Variants in PDS5A observed in about 807,000 individuals in gnomAD.
The protein encoded by PDS5A is sister chromatid cohesion protein PDS5 homolog A.
In PDS5A, 42 loss-of-function variants were observed where a neutral mutation model predicts 167.1. The observed-to-expected ratio is 0.25, with a 90% CI of 0.20 to 0.33. The LOEUF is 0.33. Among genes scored for constraint, PDS5A ranks in the 10% least tolerant of loss-of-function variants. The pLI, the probability that PDS5A is intolerant of heterozygous loss-of-function variation, is 1.00. For missense variants in PDS5A, 1,033 were observed against 1,605.9 expected (o/e 0.64, Z 6.10); for synonymous variants, 553 against 554.6 (o/e 1.00, Z 0.04).
chr4:39,844,891 T>C (rs1717451885), intron 29 of PDS5A, 90 bp from the exon 30 acceptor site: 4 of 1,320,472 alleles, frequency 3.0e-6, no homozygotes, highest in Non-Finnish European at 4.1e-6. Context: ...TAAGAGATAT[T>C]GTTAAGTGCT....
At position 39,977,123 on chromosome 4, in the gene PDS5A, C is replaced by T. The variant is rs1360327937; in HGVS notation, c.-41+334G>A. 2.0e-5 allele frequency among the ~76,000 whole-genome samples: 3 copies of T among 152,214 alleles called. No homozygotes were observed. The highest frequency in any genetic ancestry group is 2.9e-5 in the Non-Finnish European group (2 of 68,026). On this transcript the variant is annotated intron_variant, in intron 1 of 32. Transcript: ENST00000303538. The surrounding 1 kb of genome is among the most constrained non-coding windows in gnomAD (Gnocchi z 4.2). ...GCCCTTGCCCAGCCGAGCCTCGGAC[C>T]CGGGGTAGTCCCCGCCGCGCTGCCA...
intron 17 of PDS5A, among the ~76,000 whole-genome samples, chr4:39,886,916 C>T (rs1015663120): frequency 6.6e-6 from 1 of 150,958 alleles, no homozygotes; most frequent in African/African-American, 2.4e-5. Flanking sequence ...CTTGATTTTT[C>T]GGATTGTTTG....
intron 6 of PDS5A, among the ~76,000 whole-genome samples, chr4:39,921,834 CAT>C (rs1319550074): frequency 6.6e-6 from 1 of 152,132 alleles, no homozygotes; most frequent in African/African-American, 2.4e-5. Context: ...TCTCCTTTGC[CAT>C]AGTCTCAGAA....
intron 28 of PDS5A, chr4:39,846,081 G>A (rs557070261): frequency 8.0e-5 from 29 of 362,530 alleles, no homozygotes; most frequent in African/African-American, 4.8e-4. Flanking sequence ...CTGATGGCAC[G>A]CAGACTTAGG....
In PDS5A at chr4:39,976,423, TC is replaced by T. The variant is rs753922151; in HGVS notation, c.138+16del. ...GCGCCTTCTACCAAAGACATCAAAA[TC>T]CGTCCAGACACTTACCTTCAGGCGT... On this transcript the variant is annotated intron_variant, in intron 2 of 32. Coordinates refer to ENST00000303538, the MANE Select transcript of PDS5A (RefSeq NM_001100399.2). 1.7e-5 allele frequency: 28 copies of T among 1,603,486 alleles called. No individual in the cohort carries two copies. The East Asian group carries it at 6.3e-4, about 36-fold the overall frequency.
chr4:39,937,530 C>A (rs372231075), intron 2 of PDS5A, among the ~76,000 whole-genome samples: 1 of 152,116 alleles, frequency 6.6e-6, no homozygotes, highest in East Asian at 1.9e-4. Flanking sequence ...CCTCCTGCCT[C>A]GGTCTCCTGA....
chr4:39,906,254 G>C (rs549262355), intron 11 of PDS5A, among the ~76,000 whole-genome samples: 3 of 152,206 alleles, frequency 2.0e-5, no homozygotes, highest in African/African-American at 7.2e-5. Flanking sequence ...TGTAGTCCCA[G>C]CTACTTGGGA....
chr4:39,885,734 G>A (rs1560454438), intron 17 of PDS5A, among the ~76,000 whole-genome samples: 1 of 152,126 alleles, frequency 6.6e-6, no homozygotes, highest in Non-Finnish European at 1.5e-5. Flanking sequence ...GGACGGCATG[G>A]TGAAACCCTG....
chr4:39,884,706 T>C (rs1203884110), intron 17 of PDS5A, among the ~76,000 whole-genome samples: 1 of 152,216 alleles, frequency 6.6e-6, no homozygotes, highest in African/African-American at 2.4e-5. Context: ...TGCTCAAAAC[T>C]TAAAAAGAAA....
At chr4:39,947,946 G>A (rs1560508807) in intron 2 of PDS5A, among the ~76,000 whole-genome samples, 1 of 152,074 alleles carries the variant, frequency 6.6e-6, no homozygotes, top group Non-Finnish European at 1.5e-5. Flanking sequence ...TAATGGCAAT[G>A]TCCACACAAA....
At chr4:39,950,728 C>T (rs1390850929) in intron 2 of PDS5A, among the ~76,000 whole-genome samples, 1 of 152,104 alleles carries the variant, frequency 6.6e-6, no homozygotes. Context: ...GCTGGGACTA[C>T]AGGTCTACGC....
In PDS5A at chr4:39,883,648, T is replaced by G. The variant is rs1578664431; in HGVS notation, c.1887-3815A>C. ...TAGCCCAGTTTTTTTGTTTTTGTCT[T>G]TTTTTGAGACACAGTCTCATTCTGT... is the stretch of plus-strand genomic sequence containing the variant. On this transcript the variant is annotated intron_variant, in intron 17 of 32. Transcript: ENST00000303538. 2.0e-5 allele frequency among the ~76,000 whole-genome samples: 3 copies of G among 152,164 alleles called. No homozygotes were observed. The South Asian group carries it at 6.2e-4, about 32-fold the overall frequency.
intron 7 of PDS5A, among the ~76,000 whole-genome samples, chr4:39,918,840 G>A (rs1279945829): frequency 1.3e-5 from 2 of 152,084 alleles, no homozygotes; most frequent in Non-Finnish European, 2.9e-5. Context: ...GCAACAGGGC[G>A]AGACTCCATC....
intron 21 of PDS5A, 22 bp downstream of exon 21, chr4:39,872,964 T>C: frequency 7.1e-7 from 1 of 1,401,234 alleles, no homozygotes; most frequent in Non-Finnish European, 9.6e-7. Flanking sequence ...TGATTCTCAA[T>C]TTAATTAAAT....
intron 30 of PDS5A, among the ~76,000 whole-genome samples, chr4:39,843,335 C>T (rs1023910705): frequency 1.1e-4 from 16 of 152,074 alleles, no homozygotes; most frequent in African/African-American, 3.9e-4. Context: ...CTACACCCAG[C>T]CCTCCTATAC....
Position 39,898,582 on chromosome 4 carries a change from T to C in PDS5A, c.1631-54A>G, listed in dbSNP as rs1722618507. 1.1e-5 allele frequency: 13 copies of C among 1,209,894 alleles called. No homozygotes were observed. The Middle Eastern group carries it at 6.3e-4, about 58-fold the overall frequency. The allele number at this position is 1,209,894 out of a possible 1,614,324, so 74.9% of individuals were successfully genotyped here. On this transcript the variant is annotated intron_variant, in intron 15 of 32. Transcript: ENST00000303538. ...GAGAAGGAAAAAAAAAAAACTATTC[T>C]ACTAAGCTAAAAACAGGTGCCATCA...
chr4:39,929,899 C>G (rs1296315743), intron 2 of PDS5A, among the ~76,000 whole-genome samples: 3 of 146,708 alleles, frequency 2.0e-5, no homozygotes, highest in Non-Finnish European at 4.5e-5. Flanking sequence ...GCATGTGTCA[C>G]TATACCTGGC....
intron 28 of PDS5A, chr4:39,847,109 TAAG>T (rs1170181971): frequency 6.6e-6 from 1 of 151,318 alleles, no homozygotes; most frequent in African/African-American, 2.4e-5. Flanking sequence ...TTGTTATTAT[TAAG>T]AAGACTAAAA....
In PDS5A at chr4:39,922,398, C is replaced by A. The variant is rs181722814; in HGVS notation, c.654+224G>T. 3.9e-5 allele frequency among the ~76,000 whole-genome samples: 6 copies of A among 152,226 alleles called. No homozygotes were observed. The East Asian group carries it at 1.2e-3, about 29-fold the overall frequency. ...TGTGAATACAAAACATTTTCAGTTT[C>A]CAGAAAACAGCACTTAAATGAATGA... On this transcript the variant is annotated intron_variant, in intron 6 of 32. Coordinates refer to ENST00000303538, the MANE Select transcript of PDS5A (RefSeq NM_001100399.2).
Sources: allele counts gnomAD v4.1 joint callset (sites outside exome capture counted in the v4.1 genomes callset), GRCh38; gene constraint gnomAD v4.1.1; non-coding constraint Gnocchi (gnomAD v3.1); transcripts MANE v1.5; gene names NCBI Gene and HGNC (gene_info 2026-07-23, HGNC 2026-07-21).